Variants in LRBA observed in about 807,000 individuals in gnomAD.
LRBA encodes the protein LPS responsive beige-like anchor protein.
A neutral mutation model predicts 330.0 loss-of-function variants in LRBA; 176 were observed. The ratio of observed to expected loss-of-function variants is 0.53; its 90% CI spans 0.47 to 0.60. The LOEUF is 0.60. Ranked by LOEUF, LRBA falls within the 20% of genes least tolerant of loss-of-function variation. The pLI, the probability that LRBA is intolerant of heterozygous loss-of-function variation, is 0.00. For synonymous variants in LRBA, 1,230 were observed against 1,193.0 expected (o/e 1.03, Z -0.64); for missense variants, 3,259 against 3,444.8 (o/e 0.95, Z 1.35).
intron 37 of LRBA, among the ~76,000 whole-genome samples, chr4:150,669,548 C>T (rs1781862873): frequency 1.3e-5 from 2 of 151,952 alleles, no homozygotes; most frequent in African/African-American, 4.8e-5. Flanking sequence ...GTGAAACATC[C>T]CTGAGATTTG....
At chr4:150,739,521 T>C (rs1035654100) in intron 35 of LRBA, among the ~76,000 whole-genome samples, 1 of 152,170 alleles carries the variant, frequency 6.6e-6, no homozygotes, top group African/African-American at 2.4e-5. Flanking sequence ...CCTAACCTCC[T>C]GGTATCCACA....
rs1208353113 is a variant in LRBA, at chr4:150,697,335, A to AC, written c.5755-13619_5755-13618insG. 2.6e-3 allele frequency among the ~76,000 whole-genome samples: 385 copies of AC among 147,248 alleles called. 10 individuals are homozygous for AC. The highest frequency in any genetic ancestry group is 9.3e-3 in the African/African-American group (372 of 39,970). On this transcript the variant is annotated intron_variant, in intron 36 of 56. Transcript: ENST00000651943. ...TGAGACTTTGTCTCAGAAAAAAAAA[A>AC]AAAAAAAAAAAAAAAACAGGGAGAG...
rs748805360 is a variant in LRBA at position 150,896,433 on chromosome 4, T to C, written c.2028A>G (p.Glu676=). 3 of 1,542,848 alleles carry C rather than the reference T, an allele frequency of 1.9e-6. No individual in the cohort carries two copies. Among genetic ancestry groups the C allele is most frequent in the Non-Finnish European group, 8.9e-7 (1 of 1,124,276 alleles). Residue 676 remains glutamate, a synonymous_variant, in exon 16 of 57, where the codon GAA becomes GAG. Coordinates refer to ENST00000651943, the MANE Select transcript of LRBA (RefSeq NM_001364905.1). The part of the protein sequence containing the change: ...VMKDSGVKED[E]LQAILNYLLT... ...GTAGGTAATTAAGAATGGCCTGTAA[T>C]TCATCTTCCTTTACTCCAGAATCCT...
intron 37 of LRBA, among the ~76,000 whole-genome samples, chr4:150,617,790 A>G (rs1775910982): frequency 6.6e-6 from 1 of 152,132 alleles, no homozygotes; most frequent in Non-Finnish European, 1.5e-5. Context: ...AACCTCGTCT[A>G]TTAATCACAA....
At chr4:150,453,618 T>C (rs963174834) in intron 44 of LRBA, among the ~76,000 whole-genome samples, 1 of 152,220 alleles carries the variant, frequency 6.6e-6, no homozygotes, top group African/African-American at 2.4e-5. Flanking sequence ...TCAAAATAAG[T>C]AGATAGTCAA....
At chr4:150,681,595 T>C (rs1783063467) in intron 37 of LRBA, among the ~76,000 whole-genome samples, 1 of 152,204 alleles carries the variant, frequency 6.6e-6, no homozygotes, top group Non-Finnish European at 1.5e-5. Flanking sequence ...ACATATTGTT[T>C]TTTAATGTAA....
rs372269777 is a variant in LRBA, at chr4:150,870,617, A to C, written c.2368-11T>G. ...CTGTTCTATAAGAATCTACAGAAGT[A>C]AAACAATGGATTACATTAGCAAATC... is the stretch of plus-strand genomic sequence containing the variant. On this transcript the variant is annotated splice_polypyrimidine_tract_variant and intron_variant, in intron 19 of 56. Coordinates refer to ENST00000651943, the MANE Select transcript of LRBA (RefSeq NM_001364905.1). The C allele has an allele frequency of 3.9e-6, 5 of 1,279,442 alleles. No individual in the cohort carries two copies. The highest frequency in any genetic ancestry group is 5.7e-6 in the Non-Finnish European group (5 of 877,984). 79.3% of individuals were successfully genotyped at this position (1,279,442 alleles called of 1,614,324 possible). A position where few individuals can be genotyped will look rare whatever the true frequency, so the allele number is the denominator to read the frequency against.
At chr4:151,007,930 G>C (rs963432279) in intron 2 of LRBA, among the ~76,000 whole-genome samples, 10 of 151,168 alleles carry the variant, frequency 6.6e-5, no homozygotes, top group African/African-American at 2.4e-4. Context: ...GACTTAAAAT[G>C]AATCATAGGC....
At chr4:150,700,935 T>G (rs1479907531) in intron 36 of LRBA, among the ~76,000 whole-genome samples, 1 of 152,112 alleles carries the variant, frequency 6.6e-6, no homozygotes, top group African/African-American at 2.4e-5. Flanking sequence ...AACTTTTTTA[T>G]TTTTTGTAGA....
chr4:150,321,628 T>C lies in LRBA; in HGVS notation c.7453-260A>G, dbSNP rs1458892217. 6.6e-6 allele frequency among the ~76,000 whole-genome samples: 1 copy of C among 152,056 alleles called. No homozygotes were observed. The highest frequency in any genetic ancestry group is 2.4e-5 in the African/African-American group (1 of 41,404). On this transcript the variant is annotated intron_variant, in intron 49 of 56. Coordinates refer to ENST00000651943, the MANE Select transcript of LRBA (RefSeq NM_001364905.1). This position sits in a 1 kb window ranked among gnomAD's most constrained non-coding sequence, Gnocchi z 4.5. ...CAGAAACACTTTAAAATTTATAAAT[T>C]TTATGAGCTCCCTTTCCCTCCCCAC...
At chr4:150,512,378 T>G (rs1761920189) in intron 40 of LRBA, among the ~76,000 whole-genome samples, 1 of 152,212 alleles carries the variant, frequency 6.6e-6, no homozygotes, top group African/African-American at 2.4e-5. Context: ...TGTTATGAAC[T>G]GAATGTGTCT....
intron 34 of LRBA, 142 bp from the exon 35 acceptor site, chr4:150,761,989 T>A: frequency 1.7e-6 from 1 of 572,726 alleles, no homozygotes; most frequent in African/African-American, 1.9e-5. Context: ...GAACAGGTAA[T>A]ACTGAAAAGT....
rs546841748 is a variant in LRBA at position 150,700,009 on chromosome 4, T to C, written c.5755-16292A>G. On this transcript the variant is annotated intron_variant, in intron 36 of 56. Coordinates refer to ENST00000651943, the MANE Select transcript of LRBA (RefSeq NM_001364905.1). ...ACATGACCCTCAAAGAAAATGCTCA[T>C]TGGAGCATTCTGATTTCCAGGTTTT... Among the ~76,000 whole-genome samples, 12 of 152,244 alleles carry C rather than the reference T, an allele frequency of 7.9e-5. No individual in the cohort carries two copies. In the South Asian group the frequency reaches 1.9e-3, roughly 24 times the overall value.
chr4:150,654,813 G>A (rs932319872), intron 37 of LRBA, among the ~76,000 whole-genome samples: 17 of 152,000 alleles, frequency 1.1e-4, no homozygotes, highest in East Asian at 5.8e-4. Context: ...TTGTCCTTGC[G>A]ATAGTTTGCT....
chr4:150,450,524 T>C (rs1229815246), intron 44 of LRBA, among the ~76,000 whole-genome samples: 3 of 152,232 alleles, frequency 2.0e-5, no homozygotes, highest in Non-Finnish European at 4.4e-5. Context: ...TGTCTGTCTT[T>C]ATATGACGTT....
At chr4:150,587,666 A>G (rs1772286822) in intron 40 of LRBA, among the ~76,000 whole-genome samples, 1 of 152,178 alleles carries the variant, frequency 6.6e-6, no homozygotes, top group Non-Finnish European at 1.5e-5. Context: ...AGAGTGATAT[A>G]TTGGCATCAT....
intron 47 of LRBA, among the ~76,000 whole-genome samples, chr4:150,408,886 T>C (rs1354963494): frequency 6.6e-6 from 1 of 152,126 alleles, no homozygotes; most frequent in Non-Finnish European, 1.5e-5. Flanking sequence ...TATATAAAGC[T>C]TTAATATACT....
intron 28 of LRBA, among the ~76,000 whole-genome samples, chr4:150,832,989 T>C (rs1382989571): frequency 6.6e-6 from 1 of 152,142 alleles, no homozygotes; most frequent in Admixed American, 6.6e-5. Flanking sequence ...TAGCTCAGGC[T>C]GGTCTCGAAC....
At chr4:150,889,715 G>A (rs978097800) in intron 17 of LRBA, among the ~76,000 whole-genome samples, 4 of 152,136 alleles carry the variant, frequency 2.6e-5, no homozygotes, top group Non-Finnish European at 5.9e-5. Flanking sequence ...CACAAAACCA[G>A]TCCCTGGTGC....
Sources: gnomAD v4.1 joint callset for allele counts (sites outside exome capture counted in the v4.1 genomes callset) on GRCh38, gnomAD v4.1.1 for gene constraint, Gnocchi (gnomAD v3.1) non-coding constraint, MANE v1.5 for transcripts, NCBI Gene and HGNC (gene_info 2026-07-23, HGNC 2026-07-21) for gene names.